Variants in ARHGAP17 observed in about 807,000 individuals in gnomAD.
ARHGAP17 encodes Rho GTPase activating protein 17.
Under a neutral mutation model 99.5 loss-of-function variants are expected in ARHGAP17, and 57 were observed. The ratio of observed to expected loss-of-function variants is 0.57; its 90% CI spans 0.46 to 0.71. ARHGAP17 has a LOEUF of 0.71. Ranked by LOEUF, ARHGAP17 falls within the 30% of genes least tolerant of loss-of-function variation. The pLI, the probability that ARHGAP17 is intolerant of heterozygous loss-of-function variation, is 0.00. For synonymous variants in ARHGAP17, 417 were observed against 429.6 expected (o/e 0.97, Z 0.36); for missense variants, 1,000 against 1,122.4 (o/e 0.89, Z 1.56).
chr16:25,013,543 C>A (rs1219596221), intron 1 of ARHGAP17, among the ~76,000 whole-genome samples: 1 of 152,008 alleles, frequency 6.6e-6, no homozygotes, highest in Admixed American at 6.6e-5. Context: ...GTCGCTTGAG[C>A]CCAGGGAAGT....
chr16:25,009,804 C>G (rs1450972947), intron 1 of ARHGAP17, among the ~76,000 whole-genome samples: 1 of 152,152 alleles, frequency 6.6e-6, no homozygotes, highest in East Asian at 1.9e-4. Flanking sequence ...GCTTCCTCAT[C>G]ATTAAATCAG....
chr16:24,988,877 C>G (rs983866549), intron 1 of ARHGAP17, among the ~76,000 whole-genome samples: 1 of 152,218 alleles, frequency 6.6e-6, no homozygotes, highest in African/African-American at 2.4e-5. Context: ...GTGCCTTATT[C>G]CCCAGCCTGC....
intron 19 of ARHGAP17, chr16:24,927,767 C>A: frequency 6.1e-6 from 6 of 975,768 alleles, no homozygotes; most frequent in Non-Finnish European, 8.1e-6. Flanking sequence ...AATTAGAATA[C>A]TCTTTGCTAA....
At chr16:24,993,737 G>C (rs550163620) in intron 1 of ARHGAP17, among the ~76,000 whole-genome samples, 1 of 152,206 alleles carries the variant, frequency 6.6e-6, no homozygotes, top group Admixed American at 6.5e-5. Flanking sequence ...GAGTACCTTC[G>C]AGGCCATGGA....
chr16:24,943,694 G>A, intron 15 of ARHGAP17, 77 bp downstream of exon 15: 2 of 1,254,462 alleles, frequency 1.6e-6, no homozygotes, highest in Non-Finnish European at 2.3e-6. Context: ...AAGGATTACA[G>A]ATGTATTCTC....
intron 1 of ARHGAP17, among the ~76,000 whole-genome samples, chr16:25,010,289 G>A (rs1199222170): frequency 6.6e-6 from 1 of 152,052 alleles, no homozygotes; most frequent in South Asian, 2.1e-4. Flanking sequence ...GCTCAGGCTG[G>A]TCTGAAATTC....
intron 6 of ARHGAP17, among the ~76,000 whole-genome samples, chr16:24,966,180 A>G (rs1311561723): frequency 1.3e-5 from 2 of 152,148 alleles, no homozygotes; most frequent in East Asian, 1.9e-4. Flanking sequence ...GGTGGCCTGC[A>G]CTCTCAGCTA....
At chr16:24,981,858 A>G (rs1488203174) in intron 1 of ARHGAP17, among the ~76,000 whole-genome samples, 1 of 152,212 alleles carries the variant, frequency 6.6e-6, no homozygotes. Flanking sequence ...CATACCTCAG[A>G]GTATCTAAAA....
At chr16:24,942,288 C>T (rs868290628) in intron 15 of ARHGAP17, 145 bp from the exon 16 acceptor site, 3 of 753,020 alleles carry the variant, frequency 4.0e-6, no homozygotes, top group East Asian at 2.7e-5. Context: ...GCACTCACAT[C>T]GCAAGAATGG....
intron 1 of ARHGAP17, among the ~76,000 whole-genome samples, chr16:25,000,797 C>T (rs543062533): frequency 2.0e-4 from 30 of 152,286 alleles, no homozygotes; most frequent in African/African-American, 7.2e-4. Context: ...AAGTGCATTG[C>T]AATTGTTTTC....
intron 15 of ARHGAP17, among the ~76,000 whole-genome samples, chr16:24,943,397 G>C (rs1458835060): frequency 6.6e-6 from 1 of 152,176 alleles, no homozygotes; most frequent in African/African-American, 2.4e-5. Context: ...ACTTGAGTTT[G>C]TCAAATCTTT....
At chr16:24,982,999 T>TATATATATATATATATATATATA (rs59028948) in intron 1 of ARHGAP17, among the ~76,000 whole-genome samples, 1 of 21,994 alleles carries the variant, frequency 4.5e-5, no homozygotes, top group African/African-American at 1.4e-4. Flanking sequence ...TATATATATT[T>TATATATATATATATATATATATA]TTTTTTTTTT....
At chr16:24,939,181 T>A (rs1597375990) in intron 17 of ARHGAP17, among the ~76,000 whole-genome samples, 183 bp downstream of exon 17, 2 of 152,198 alleles carry the variant, frequency 1.3e-5, no homozygotes, top group Admixed American at 1.3e-4. Flanking sequence ...TTGGAAAACA[T>A]AAAAAGAAGC....
rs374832705 is a variant in ARHGAP17 at position 24,925,192 on chromosome 16, A to C, written c.2516-4932T>G. Among the ~76,000 whole-genome samples the C allele has an allele frequency of 3.3e-5, 5 of 152,278 alleles. No homozygotes were observed. The South Asian group carries it at 6.2e-4, about 19-fold the overall frequency. On this transcript the variant is annotated intron_variant, in intron 19 of 19. Transcript: ENST00000289968. ...TCATGAGTTGGAGACCAGCCTGGCC[A>C]ATATGGCAAAACCCTGTCTCTACTA...
intron 2 of ARHGAP17, 44 bp from the exon 3 acceptor site, chr16:24,977,363 T>C (rs1446027644): frequency 6.7e-7 from 1 of 1,501,982 alleles, no homozygotes; most frequent in Non-Finnish European, 9.1e-7. Context: ...TCCTCTTTCT[T>C]TTGTGGTGTC....
chr16:24,960,622 C>G (rs2051962006), intron 7 of ARHGAP17, among the ~76,000 whole-genome samples: 1 of 151,508 alleles, frequency 6.6e-6, no homozygotes, highest in South Asian at 2.1e-4. Flanking sequence ...TTGAGACCAT[C>G]CTGACTAACA....
At chr16:24,945,288 A>G (rs550491076) in intron 14 of ARHGAP17, among the ~76,000 whole-genome samples, 3 of 151,666 alleles carry the variant, frequency 2.0e-5, no homozygotes, top group Non-Finnish European at 4.4e-5. Context: ...ACACCACTGC[A>G]CTCCAGCCTG....
chr16:24,971,949 G>A (rs1294054258), intron 3 of ARHGAP17, among the ~76,000 whole-genome samples: 1 of 152,212 alleles, frequency 6.6e-6, no homozygotes, highest in East Asian at 1.9e-4. Context: ...CTTATCTCAG[G>A]AGAGGCCTGG....
chr16:24,987,149 T>C (rs1352431888), intron 1 of ARHGAP17, among the ~76,000 whole-genome samples: 1 of 152,214 alleles, frequency 6.6e-6, no homozygotes, highest in African/African-American at 2.4e-5. Context: ...CTCTATGTAA[T>C]GACTCAGCTT....
Sources: allele counts gnomAD v4.1 joint callset (sites outside exome capture counted in the v4.1 genomes callset), GRCh38; gene constraint gnomAD v4.1.1; transcripts MANE v1.5; gene names NCBI Gene and HGNC (gene_info 2026-07-23, HGNC 2026-07-21).